Variants in OR13G1 observed in about 807,000 individuals in gnomAD.
OR13G1 encodes the protein olfactory receptor family 13 subfamily G member 1, also known as olfactory receptor 13G1.
For synonymous variants in OR13G1, 128 were observed against 136.2 expected (o/e 0.94, Z 0.42); for missense variants, 369 against 385.7 (o/e 0.96, Z 0.36).
In OR13G1 at chr1:247,678,178, G is replaced by GC. The variant is rs1355911623; in HGVS notation, c.-239+1461dup. On this transcript the variant is annotated intron_variant, in intron 1 of 1. Transcript: ENST00000642119. The stretch of plus-strand genomic sequence containing the variant: ...GTGAAATTTGGTAGTTATCAAATGT[G>GC]CTTATTGTCACACAGTCAGACACTG... 2.0e-5 allele frequency among the ~76,000 whole-genome samples: 3 copies of GC among 152,246 alleles called. No homozygotes were observed. The East Asian group carries it at 5.8e-4, about 29-fold the overall frequency.
chr1:247,674,428 T>G (rs3911804), intron 1 of OR13G1, among the ~76,000 whole-genome samples: 1 of 152,114 alleles, frequency 6.6e-6, no homozygotes, highest in East Asian at 1.9e-4. Flanking sequence ...CTAGTCTGTT[T>G]TGCTCTCTCA....
In OR13G1 at chr1:247,672,312, CT is replaced by C. The variant is rs139644316; in HGVS notation, c.729del (p.Val244TrpfsTer2). On this transcript the variant is annotated frameshift_variant, in exon 2 of 2. Transcript: ENST00000642119. LOFTEE classifies it low-confidence loss of function (END_TRUNC). The part of the protein sequence containing the change: ...KAFSTCSSHL[T>X]VVTLYYSPVI... ...ACAGGAGAATAGTAAAGGGTCACCACTGTGAGATGAGATGAGCATGTTGAGA... is the reference window on the plus strand; with the variant it reads ...ACAGGAGAATAGTAAAGGGTCACCACGTGAGATGAGATGAGCATGTTGAGA... The C allele has an allele frequency of 9.2e-4, 1,491 of 1,613,774 alleles. 13 individuals carry two copies. The African/African-American group carries it at 0.018, about 19-fold the overall frequency.
In OR13G1 at chr1:247,672,287, A is replaced by G; in HGVS notation, c.755T>C (p.Val252Ala). The stretch of plus-strand genomic sequence containing the variant: ...AGCAGGGCGGATATAGGTGTAGATT[A>G]CAGGAGAATAGTAAAGGGTCACCAC... ...LTVVTLYYSPVIYTYIRPASS... is the reference protein window; with the variant it reads ...LTVVTLYYSPAIYTYIRPASS... Residue 252 changes from valine to alanine, a missense_variant, in exon 2 of 2, where the codon GTA (valine) becomes GCA (alanine). Val to Ala is a moderately conservative substitution (Grantham distance 64, BLOSUM62 0). Coordinates refer to ENST00000642119, the MANE Select transcript of OR13G1 (RefSeq NM_001005487.2). The G allele has an allele frequency of 6.2e-7, 1 of 1,613,416 alleles. No homozygotes were observed. The highest frequency in any genetic ancestry group is 8.5e-7 in the Non-Finnish European group (1 of 1,179,788).
chr1:247,679,486 T>TTG (rs56753299), intron 1 of OR13G1, among the ~76,000 whole-genome samples, 154 bp downstream of exon 1: 6,165 of 144,552 alleles, frequency 0.043, 121 homozygotes, highest in South Asian at 0.057. Flanking sequence ...CGCGGATGGA[T>TTG]TGTGTGTGTG....
At chr1:247,676,276 G>A (rs1175180662) in intron 1 of OR13G1, among the ~76,000 whole-genome samples, 1 of 152,084 alleles carries the variant, frequency 6.6e-6, no homozygotes, top group African/African-American at 2.4e-5. Flanking sequence ...ATTATTTAGA[G>A]TTCCAAATAT....
intron 1 of OR13G1, among the ~76,000 whole-genome samples, chr1:247,677,217 T>G (rs763956699): frequency 6.6e-6 from 1 of 152,154 alleles, no homozygotes; most frequent in Non-Finnish European, 1.5e-5. Flanking sequence ...CACTGCAGCC[T>G]GGGTGACAGA....
rs1659213341 is a variant in OR13G1 at position 247,672,018 on chromosome 1, G to T, written c.*100C>A. The T allele has an allele frequency of 1.1e-6, 1 of 949,170 alleles. No individual in the cohort carries two copies. Among genetic ancestry groups the T allele is most frequent in the Admixed American group, 2.5e-5 (1 of 40,596 alleles). The allele number at this position is 949,170 out of a possible 1,614,324, so 58.8% of individuals were successfully genotyped here. A position where few individuals can be genotyped will look rare whatever the true frequency, so the allele number is the denominator to read the frequency against. On this transcript the variant is annotated 3_prime_UTR_variant, in exon 2 of 2. Coordinates refer to ENST00000642119, the MANE Select transcript of OR13G1 (RefSeq NM_001005487.2). ...GGAAGAAGGCAGGAATAAGAGGGAA[G>T]GGAAAATTGGAGTGGAGGTAAGTAT...
Position 247,673,195 on chromosome 1 carries a change from A to G in OR13G1, c.-154T>C. 1.6e-6 allele frequency: 1 copy of G among 613,788 alleles called. No individual in the cohort carries two copies. Among genetic ancestry groups the G allele is most frequent in the Non-Finnish European group, 2.8e-6 (1 of 351,622 alleles). 38.0% of individuals were successfully genotyped at this position (613,788 alleles called of 1,614,324 possible). On this transcript the variant is annotated 5_prime_UTR_variant, in exon 2 of 2. Coordinates refer to ENST00000642119, the MANE Select transcript of OR13G1 (RefSeq NM_001005487.2). ...ACTTTGCAGCAGGAATTCCCATTTGATGGAGTTCTGTATTCCAGGCAATAT... is the reference window on the plus strand; with the variant it reads ...ACTTTGCAGCAGGAATTCCCATTTGGTGGAGTTCTGTATTCCAGGCAATAT...
At chr1:247,679,476 C>T (rs1192529855) in intron 1 of OR13G1, among the ~76,000 whole-genome samples, 164 bp downstream of exon 1, 2 of 136,912 alleles carry the variant, frequency 1.5e-5, no homozygotes, top group African/African-American at 2.8e-5. Flanking sequence ...AAGTACAATC[C>T]GCGGATGGAT....
intron 1 of OR13G1, among the ~76,000 whole-genome samples, chr1:247,678,406 A>G (rs1659394329): frequency 6.6e-6 from 1 of 152,170 alleles, no homozygotes; most frequent in African/African-American, 2.4e-5. Context: ...TAAAGGGCCT[A>G]TGTTGTCTAA....
chr1:247,674,016 A>G (rs565698137), intron 1 of OR13G1, among the ~76,000 whole-genome samples: 2 of 152,268 alleles, frequency 1.3e-5, no homozygotes, highest in Admixed American at 1.3e-4. Context: ...CAAAACTTCC[A>G]TAGCATTCTG....
chr1:247,676,775 T>C (rs1659353215), intron 1 of OR13G1, among the ~76,000 whole-genome samples: 1 of 152,230 alleles, frequency 6.6e-6, no homozygotes, highest in Admixed American at 6.5e-5. Flanking sequence ...TTTTTATTGC[T>C]TAGTCAATAT....
At chr1:247,676,077 G>T (rs1173145287) in intron 1 of OR13G1, among the ~76,000 whole-genome samples, 2 of 151,680 alleles carry the variant, frequency 1.3e-5, no homozygotes, top group Non-Finnish European at 2.9e-5. Context: ...AATACATATG[G>T]CCTAATCTTG....
At chr1:247,679,479 G>A (rs937897426) in intron 1 of OR13G1, among the ~76,000 whole-genome samples, 161 bp downstream of exon 1, 2 of 130,138 alleles carry the variant, frequency 1.5e-5, no homozygotes, top group Admixed American at 1.7e-4. Context: ...TACAATCCGC[G>A]GATGGATTGT....
At chr1:247,675,846 C>A (rs1659335518) in intron 1 of OR13G1, among the ~76,000 whole-genome samples, 1 of 152,102 alleles carries the variant, frequency 6.6e-6, no homozygotes, top group African/African-American at 2.4e-5. Flanking sequence ...AAGAAGAGGG[C>A]CTGCCTGCAT....
intron 1 of OR13G1, 59 bp downstream of exon 1, chr1:247,679,581 C>T (rs1002756274): frequency 6.6e-5 from 10 of 151,704 alleles, no homozygotes; most frequent in Admixed American, 2.6e-4. Context: ...AATATCCCTA[C>T]TCAGGCCATG....
At chr1:247,673,458 C>G (rs1659251046) in intron 1 of OR13G1, among the ~76,000 whole-genome samples, 179 bp from the exon 2 acceptor site, 2 of 151,792 alleles carry the variant, frequency 1.3e-5, no homozygotes, top group Non-Finnish European at 2.9e-5. Flanking sequence ...TTATTACATA[C>G]CTCAATAATT....
Position 247,672,915 on chromosome 1 carries a change from T to C in OR13G1, c.127A>G (p.Ile43Val). 6.2e-7 allele frequency: 1 copy of C among 1,614,012 alleles called. No individual in the cohort carries two copies. The change falls in exon 2 of 2, where the codon ATC (isoleucine) becomes GTC (valine). Residue 43 changes from isoleucine to valine, a missense_variant. Coordinates refer to ENST00000642119, the MANE Select transcript of OR13G1 (RefSeq NM_001005487.2). Reference sequence around the variant, plus strand: ...GTGTTGTTATAGATTTTGGCAATGATGATGAGCATGTTGCCGAGAAAAGCC... The same window carrying C: ...GTGTTGTTATAGATTTTGGCAATGACGATGAGCATGTTGCCGAGAAAAGCC... The part of the protein sequence containing the change: ...LVAFLGNMLI[I>V]IAKIYNNTLH...
chr1:247,677,773 T>C (rs1304392638), intron 1 of OR13G1, among the ~76,000 whole-genome samples: 2 of 152,166 alleles, frequency 1.3e-5, no homozygotes, highest in Admixed American at 1.3e-4. Flanking sequence ...TTATGTGCCA[T>C]TCACCATGCT....
Sources: allele counts gnomAD v4.1 joint callset (sites outside exome capture counted in the v4.1 genomes callset), GRCh38; gene constraint gnomAD v4.1.1; transcripts MANE v1.5; gene names NCBI Gene and HGNC (gene_info 2026-07-23, HGNC 2026-07-21).